Variants in COP1 observed in about 807,000 individuals in gnomAD.
COP1 encodes the protein COP1 E3 ubiquitin ligase.
COP1 carries 24 observed loss-of-function variants against 101.3 expected under a neutral mutation model. The observed-to-expected ratio is 0.24, with a 90% CI of 0.17 to 0.33. COP1 has a LOEUF of 0.33. Among genes scored for constraint, COP1 ranks in the 10% least tolerant of loss-of-function variants. COP1 has a pLI of 1.00. For synonymous variants in COP1, 347 were observed against 341.9 expected (o/e 1.01, Z -0.17); for missense variants, 663 against 906.2 (o/e 0.73, Z 3.45).
intron 11 of COP1, among the ~76,000 whole-genome samples, chr1:176,077,809 G>GAATACA (rs1226159019): frequency 2.0e-5 from 3 of 152,138 alleles, no homozygotes; most frequent in African/African-American, 7.2e-5. Flanking sequence ...CAAAGTTTCA[G>GAATACA]AATACAAAAT....
intron 18 of COP1, among the ~76,000 whole-genome samples, chr1:175,977,570 A>G (rs1654873738): frequency 6.6e-6 from 1 of 152,162 alleles, no homozygotes; most frequent in Non-Finnish European, 1.5e-5. Flanking sequence ...GGAATAAGAG[A>G]TAAAAAAGGT....
chr1:176,187,201 T>C (rs992298669), intron 1 of COP1, among the ~76,000 whole-genome samples: 1 of 152,098 alleles, frequency 6.6e-6, no homozygotes, highest in Non-Finnish European at 1.5e-5. Context: ...CATGACTCAC[T>C]GCAACTTCGA....
At chr1:175,975,357 C>A (rs1418978223) in intron 18 of COP1, among the ~76,000 whole-genome samples, 1 of 152,002 alleles carries the variant, frequency 6.6e-6, no homozygotes, top group Non-Finnish European at 1.5e-5. Context: ...TAACAAAAAA[C>A]CAAAAGCCAG....
chr1:176,039,918 T>TC (rs1670222763), intron 14 of COP1, among the ~76,000 whole-genome samples: 1 of 151,960 alleles, frequency 6.6e-6, no homozygotes, highest in Non-Finnish European at 1.5e-5. Context: ...TCAAAATGGA[T>TC]CAAAGACATA....
intron 10 of COP1, among the ~76,000 whole-genome samples, chr1:176,084,343 C>A (rs547356549): frequency 6.6e-6 from 1 of 152,008 alleles, no homozygotes; most frequent in Non-Finnish European, 1.5e-5. Flanking sequence ...CTTTTTCCAA[C>A]GAAATAAGAG....
chr1:175,947,389 G>A, intron 18 of COP1, 150 bp from the exon 19 acceptor site: 1 of 426,866 alleles, frequency 2.3e-6, no homozygotes, highest in South Asian at 2.2e-5. Flanking sequence ...TTTTTTTTTT[G>A]AGACGGAGTC....
chr1:176,177,204 A>T (rs971544753), intron 2 of COP1, among the ~76,000 whole-genome samples: 1 of 152,086 alleles, frequency 6.6e-6, no homozygotes, highest in Non-Finnish European at 1.5e-5. Context: ...AACTGTGATT[A>T]CAGAAAATTT....
intron 18 of COP1, among the ~76,000 whole-genome samples, chr1:175,972,468 T>G (rs2148616884): frequency 6.8e-6 from 1 of 147,754 alleles, no homozygotes; most frequent in East Asian, 1.9e-4. Context: ...AGAATTTTTT[T>G]TTTTTTTTTT....
At chr1:176,067,765 T>C (rs1676260214) in intron 11 of COP1, among the ~76,000 whole-genome samples, 1 of 151,970 alleles carries the variant, frequency 6.6e-6, no homozygotes, top group East Asian at 1.9e-4. Context: ...AGGGTCTGAG[T>C]TGACTAACAC....
Position 176,158,949 on chromosome 1 carries a change from T to C in COP1, c.762+3920A>G, listed in dbSNP as rs115676941. On this transcript the variant is annotated intron_variant, in intron 5 of 19. Transcript: ENST00000367669. ...AGCCACTGTGCCTGGCCTAAGGTTC[T>C]TGTAATACAGATGAAGTAGTATAAT... Among the ~76,000 whole-genome samples the C allele has an allele frequency of 7.2e-3, 1,092 of 152,318 alleles. 11 individuals carry two copies. Among genetic ancestry groups the C allele is most frequent in the African/African-American group, 0.025 (1,032 of 41,564 alleles).
intron 18 of COP1, among the ~76,000 whole-genome samples, chr1:175,952,838 G>A (rs1650120854): frequency 6.6e-6 from 1 of 152,130 alleles, no homozygotes; most frequent in South Asian, 2.1e-4. Context: ...GATCTCTTGA[G>A]CCTAGGAGTT....
chr1:176,189,526 T>C (rs77699026), intron 1 of COP1, among the ~76,000 whole-genome samples: 5,470 of 152,002 alleles, frequency 0.036, 130 homozygotes, highest in East Asian at 0.072. Flanking sequence ...ATAAACTCAT[T>C]TTCAAACAAA....
At chr1:176,151,366 AAAGAAAG>A in intron 5 of COP1, among the ~76,000 whole-genome samples, 1 of 79,688 alleles carries the variant, frequency 1.3e-5, no homozygotes, top group East Asian at 6.9e-4. Flanking sequence ...AGAAAGAAAG[AAAGAAAG>A]AAAGAAAGAA....
At chr1:175,987,867 A>G (rs1175956818) in intron 17 of COP1, among the ~76,000 whole-genome samples, 2 of 152,244 alleles carry the variant, frequency 1.3e-5, no homozygotes, top group African/African-American at 4.8e-5. Context: ...TAACAGATCA[A>G]TGCTATGCAA....
chr1:175,968,504 T>C (rs1652556393), intron 18 of COP1: 1 of 519,054 alleles, frequency 1.9e-6, no homozygotes, highest in Non-Finnish European at 3.8e-6. Context: ...AGGCATTTTT[T>C]CATTTGTCCA....
intron 9 of COP1, among the ~76,000 whole-genome samples, chr1:176,113,522 A>G (rs945342940): frequency 1.3e-5 from 2 of 152,170 alleles, no homozygotes; most frequent in Non-Finnish European, 2.9e-5. Flanking sequence ...ACTGGTTTCT[A>G]GCTCATAGGA....
At chr1:176,113,257 A>G (rs1254505474) in intron 9 of COP1, among the ~76,000 whole-genome samples, 2 of 152,120 alleles carry the variant, frequency 1.3e-5, no homozygotes, top group African/African-American at 2.4e-5. Flanking sequence ...TGGTGAGATG[A>G]TATCTCATTG....
chr1:176,126,881 T>A (rs1688076181), intron 8 of COP1, among the ~76,000 whole-genome samples: 2 of 152,184 alleles, frequency 1.3e-5, no homozygotes, highest in Non-Finnish European at 2.9e-5. Context: ...TACTAATTAA[T>A]CATAATTACT....
intron 14 of COP1, among the ~76,000 whole-genome samples, chr1:176,031,122 A>T (rs552160676): frequency 1.3e-5 from 2 of 152,292 alleles, no homozygotes; most frequent in East Asian, 3.9e-4. Flanking sequence ...CCAACAATCT[A>T]ATTTTGGGCT....
Sources: allele counts gnomAD v4.1 joint callset (sites outside exome capture counted in the v4.1 genomes callset), GRCh38; gene constraint gnomAD v4.1.1; transcripts MANE v1.5; gene names NCBI Gene and HGNC (gene_info 2026-07-23, HGNC 2026-07-21).